Variants in CSMD1 observed in about 807,000 individuals in gnomAD.
CSMD1 encodes the protein CUB and Sushi multiple domains 1, also known as CUB and sushi domain-containing protein 1.
CSMD1 carries 213 observed loss-of-function variants against 417.5 expected under a neutral mutation model. The ratio of observed to expected loss-of-function variants is 0.51; its 90% CI spans 0.46 to 0.57. The LOEUF (loss-of-function observed/expected upper bound fraction) is 0.57. Ranked by LOEUF, CSMD1 falls within the 20% of genes least tolerant of loss-of-function variation. The pLI is 0.00. For synonymous variants in CSMD1, 2,862 were observed against 1,736.8 expected, an observed-to-expected ratio of 1.65 and a Z score of -16.11; for missense variants, 6,923 against 4,529.7, an observed-to-expected ratio of 1.53 and a Z score of -15.17.
intron 2 of CSMD1, among the ~76,000 whole-genome samples, chr8:4,547,193 AG>A (rs1374377470): frequency 1.1e-4 from 16 of 152,258 alleles, no homozygotes; most frequent in Admixed American, 9.2e-4. Context: ...TTATTAAACT[AG>A]GCCCCCGTTA....
intron 3 of CSMD1, among the ~76,000 whole-genome samples, chr8:4,366,522 A>T (rs978443772): frequency 5.3e-5 from 8 of 152,098 alleles, no homozygotes; most frequent in African/African-American, 1.9e-4. Context: ...ACAGTAGCTT[A>T]ATTAATTTGC....
At chr8:4,314,614 C>G (rs915237964) in intron 3 of CSMD1, among the ~76,000 whole-genome samples, 6 of 152,122 alleles carry the variant, frequency 3.9e-5, no homozygotes, top group African/African-American at 1.4e-4. Flanking sequence ...CACACACACA[C>G]ACACACACAC....
chr8:4,310,401 T>A (rs1798495641), intron 3 of CSMD1, among the ~76,000 whole-genome samples: 1 of 152,198 alleles, frequency 6.6e-6, no homozygotes, highest in South Asian at 2.1e-4. Context: ...TGATGCCCAG[T>A]CATTTAAACA....
intron 7 of CSMD1, among the ~76,000 whole-genome samples, chr8:3,671,214 G>T (rs73181202): frequency 5.5e-5 from 8 of 146,706 alleles, no homozygotes; most frequent in Admixed American, 4.1e-4. Context: ...TCTATGTATA[G>T]GGGATGTATG....
intron 7 of CSMD1, among the ~76,000 whole-genome samples, chr8:3,698,466 C>A (rs780545949): frequency 6.6e-6 from 1 of 152,098 alleles, no homozygotes; most frequent in East Asian, 1.9e-4. Flanking sequence ...TTTTTCCTAC[C>A]GTCAAAATCT....
intron 26 of CSMD1, among the ~76,000 whole-genome samples, chr8:3,244,252 G>A (rs540907374): frequency 2.5e-4 from 38 of 152,254 alleles, no homozygotes; most frequent in African/African-American, 8.4e-4. Context: ...TTCTTTTCCT[G>A]TATTTTGGAG....
Position 4,062,372 on chromosome 8 carries a change from T to C in CSMD1, c.416-30273A>G, listed in dbSNP as rs370304159. On this transcript the variant is annotated intron_variant, in intron 3 of 69. Transcript: ENST00000635120. Reference sequence around the variant, plus strand: ...AGAATTTTCATTTGACAATGGCTTTTTCTCAAGCAATAAGAGGGCAATGAG... The same window carrying C: ...AGAATTTTCATTTGACAATGGCTTTCTCTCAAGCAATAAGAGGGCAATGAG... Among the ~76,000 whole-genome samples the C allele has an allele frequency of 3.2e-4, 49 of 152,188 alleles. No individual in the cohort carries two copies. In the East Asian group the frequency reaches 6.6e-3, roughly 21 times the overall value.
chr8:3,761,228 G>C (rs1797979496), intron 5 of CSMD1, among the ~76,000 whole-genome samples: 1 of 152,012 alleles, frequency 6.6e-6, no homozygotes, highest in Admixed American at 6.6e-5. Flanking sequence ...ATGAAAAACA[G>C]TTAAAAGAAG....
chr8:3,156,585 G>T (rs547268125), intron 39 of CSMD1, among the ~76,000 whole-genome samples: 1 of 152,172 alleles, frequency 6.6e-6, no homozygotes, highest in Admixed American at 6.5e-5. Context: ...AGAGAGCATT[G>T]AGGAGGGGAC....
intron 50 of CSMD1, among the ~76,000 whole-genome samples, chr8:3,047,712 A>G (rs1811552984): frequency 6.6e-6 from 1 of 152,200 alleles, no homozygotes; most frequent in African/African-American, 2.4e-5. Flanking sequence ...ATTTTCACAT[A>G]GTTGGCTCTT....
intron 2 of CSMD1, among the ~76,000 whole-genome samples, chr8:4,528,021 C>T (rs917498873): frequency 2.6e-5 from 4 of 152,154 alleles, no homozygotes; most frequent in African/African-American, 9.7e-5. Context: ...GGGATCATGT[C>T]AGTGCTTTGG....
At chr8:3,203,167 T>A (rs1035658629) in intron 31 of CSMD1, among the ~76,000 whole-genome samples, 1 of 152,168 alleles carries the variant, frequency 6.6e-6, no homozygotes, top group Non-Finnish European at 1.5e-5. Context: ...AGTAACATGG[T>A]CTTAGGACTA....
chr8:3,400,734 G>A (rs1002460399), intron 15 of CSMD1, among the ~76,000 whole-genome samples: 9 of 151,600 alleles, frequency 5.9e-5, no homozygotes, highest in East Asian at 1.9e-4. Context: ...CAGTGAACAC[G>A]GCAGTGGAAA....
rs551484286 is a variant in CSMD1 at position 3,341,364 on chromosome 8, T to A, written c.3631+1930A>T. 5.3e-5 allele frequency among the ~76,000 whole-genome samples: 8 copies of A among 152,300 alleles called. No homozygotes were observed. In the South Asian group the frequency reaches 1.5e-3, roughly 28 times the overall value. ...TGATTCCAAGCCCCTGAAATTCCAG[T>A]ATGCATAAATCTTCTTCTGGATACT... On this transcript the variant is annotated intron_variant, in intron 23 of 69. Coordinates refer to ENST00000635120, the MANE Select transcript of CSMD1 (RefSeq NM_033225.6).
intron 3 of CSMD1, among the ~76,000 whole-genome samples, chr8:4,056,842 A>C (rs923615539): frequency 2.0e-5 from 3 of 152,196 alleles, no homozygotes; most frequent in African/African-American, 7.2e-5. Context: ...AATTTCATCC[A>C]TGTCCCTACA....
chr8:3,673,667 G>C (rs1372757261), intron 7 of CSMD1, among the ~76,000 whole-genome samples: 2 of 152,180 alleles, frequency 1.3e-5, no homozygotes, highest in East Asian at 1.9e-4. Flanking sequence ...TTTACGGTGT[G>C]AGCTATTTTT....
At position 4,733,918 on chromosome 8, in the gene CSMD1, G is replaced by A. The variant is rs577970876; in HGVS notation, c.86-96360C>T. On this transcript the variant is annotated intron_variant, in intron 1 of 69. Transcript: ENST00000635120. ...TTGAATTCTGGAAAAAAACAGACAAGGATAGCATTTATGGTAATTAGCAAG... is the reference window on the plus strand; with the variant it reads ...TTGAATTCTGGAAAAAAACAGACAAAGATAGCATTTATGGTAATTAGCAAG... Among the ~76,000 whole-genome samples the A allele has an allele frequency of 2.0e-5, 3 of 152,212 alleles. No individual in the cohort carries two copies. The South Asian group carries it at 6.2e-4, about 32-fold the overall frequency.
chr8:3,879,700 T>C (rs1008465318), intron 5 of CSMD1, among the ~76,000 whole-genome samples: 1 of 151,284 alleles, frequency 6.6e-6, no homozygotes, highest in Non-Finnish European at 1.5e-5. Flanking sequence ...CAGAAAAAAA[T>C]GAAAGGCTAA....
chr8:3,341,009 G>A lies in CSMD1; in HGVS notation c.3631+2285C>T, dbSNP rs78307322. On this transcript the variant is annotated intron_variant, in intron 23 of 69. Transcript: ENST00000635120. ...TACTATGTAATCAAAAATGTCTGTA[G>A]AATTGGAAAGTGCCCACAAACAGAT... 1.0e-3 allele frequency among the ~76,000 whole-genome samples: 157 copies of A among 152,290 alleles called. 1 individual carries two copies. The highest frequency in any genetic ancestry group is 3.6e-3 in the African/African-American group (149 of 41,562).
Sources: allele counts gnomAD v4.1 joint callset (sites outside exome capture counted in the v4.1 genomes callset), GRCh38; gene constraint gnomAD v4.1.1; transcripts MANE v1.5; gene names NCBI Gene and HGNC (gene_info 2026-07-23, HGNC 2026-07-21).